Variants in MYO3B observed in about 807,000 individuals in gnomAD.
The protein encoded by MYO3B is myosin IIIB, also known as myosin-IIIb.
MYO3B carries 156 observed loss-of-function variants against 174.6 expected under a neutral mutation model. That is an observed-to-expected ratio of 0.89 (90% confidence interval 0.78 to 1.02). MYO3B has a LOEUF of 1.02. Ranked by LOEUF, MYO3B falls within the 50% of genes least tolerant of loss-of-function variation. The pLI, the probability that MYO3B is intolerant of heterozygous loss-of-function variation, is 0.00. For missense variants in MYO3B, 1,632 were observed against 1,639.4 expected (o/e 1.00, Z 0.08); for synonymous variants, 563 against 569.1 (o/e 0.99, Z 0.15).
At chr2:170,632,398 A>G (rs1386613443) in intron 32 of MYO3B, among the ~76,000 whole-genome samples, 1 of 152,224 alleles carries the variant, frequency 6.6e-6, no homozygotes, top group Non-Finnish European at 1.5e-5. Flanking sequence ...TAACGAAATG[A>G]AGGCAGAAAT....
In MYO3B at chr2:170,499,729, T is replaced by C. The variant is rs764993004; in HGVS notation, c.3210T>C (p.Tyr1070=). 4.3e-6 allele frequency: 7 copies of C among 1,613,954 alleles called. No individual in the cohort carries two copies. In the African/African-American group the frequency reaches 6.7e-5, roughly 15 times the overall value. The change falls in exon 27 of 35, where the codon TAT becomes TAC. Residue 1070 remains tyrosine, a synonymous_variant. Coordinates refer to ENST00000408978, the MANE Select transcript of MYO3B (RefSeq NM_138995.5). ...GCAGAGTGGTTGTGCTGCAGGCATA[T>C]ACCAAGGGGTGGCTTGGAGCCAGGA... The part of the protein sequence containing the change: ...VIGRVVVLQA[Y]TKGWLGARRY...
At chr2:170,540,510 G>A (rs1011016725) in intron 30 of MYO3B, among the ~76,000 whole-genome samples, 1 of 151,856 alleles carries the variant, frequency 6.6e-6, no homozygotes, top group Non-Finnish European at 1.5e-5. Context: ...GAACTCCTGG[G>A]CTCAAGCAGT....
At chr2:170,358,195 T>C (rs2094137020) in intron 8 of MYO3B, among the ~76,000 whole-genome samples, 1 of 151,694 alleles carries the variant, frequency 6.6e-6, no homozygotes, top group Admixed American at 6.6e-5. Flanking sequence ...AACCTAAGTG[T>C]CTATCAACTG....
chr2:170,652,003 C>A, intron 33 of MYO3B, 105 bp from the exon 34 acceptor site: 1 of 1,238,348 alleles, frequency 8.1e-7, no homozygotes, highest in Non-Finnish European at 1.2e-6. Context: ...GCTGTGACTT[C>A]TGATATTATC....
chr2:170,203,918 T>C (rs183649421), intron 3 of MYO3B, among the ~76,000 whole-genome samples: 1 of 152,258 alleles, frequency 6.6e-6, no homozygotes, highest in Non-Finnish European at 1.5e-5. Context: ...ATATACTATA[T>C]GTGTTCAACA....
chr2:170,459,417 C>T (rs1384487690), intron 23 of MYO3B, among the ~76,000 whole-genome samples: 2 of 152,208 alleles, frequency 1.3e-5, no homozygotes, highest in Non-Finnish European at 2.9e-5. Flanking sequence ...CAAAGTTCTC[C>T]AAGTCCCCAC....
At chr2:170,573,328 A>G (rs1250260878) in intron 32 of MYO3B, among the ~76,000 whole-genome samples, 1 of 151,990 alleles carries the variant, frequency 6.6e-6, no homozygotes, top group African/African-American at 2.4e-5. Context: ...AGGATGTAGC[A>G]TGCTTGTGAA....
At chr2:170,537,036 C>T (rs926070213) in intron 30 of MYO3B, among the ~76,000 whole-genome samples, 1 of 151,746 alleles carries the variant, frequency 6.6e-6, no homozygotes, top group African/African-American at 2.4e-5. Flanking sequence ...CCCATCTCTA[C>T]TAAAAATACA....
intron 8 of MYO3B, among the ~76,000 whole-genome samples, chr2:170,357,640 CTTAAG>C (rs1374123535): frequency 6.6e-6 from 1 of 151,786 alleles, no homozygotes; most frequent in Non-Finnish European, 1.5e-5. Flanking sequence ...TTTAAGGTGT[CTTAAG>C]TTATTTCTGG....
chr2:170,570,939 C>T (rs910439023), intron 32 of MYO3B, among the ~76,000 whole-genome samples: 3 of 152,138 alleles, frequency 2.0e-5, no homozygotes, highest in South Asian at 2.1e-4. Context: ...CTCTGTGAAA[C>T]GAATGAGGCT....
intron 32 of MYO3B, among the ~76,000 whole-genome samples, chr2:170,627,045 G>T (rs533959911): frequency 5.5e-4 from 84 of 152,054 alleles, no homozygotes; most frequent in African/African-American, 1.9e-3. Context: ...CTCTTCTCCA[G>T]GAGTATCTAT....
At chr2:170,215,618 G>C (rs533714177) in intron 5 of MYO3B, among the ~76,000 whole-genome samples, 1 of 152,122 alleles carries the variant, frequency 6.6e-6, no homozygotes, top group Non-Finnish European at 1.5e-5. Flanking sequence ...GTGTAAACAT[G>C]TATCAGTTTA....
rs747720851 is a variant in MYO3B, at chr2:170,402,102, CTG to C, written c.2129+412_2129+413del. 2.0e-5 allele frequency among the ~76,000 whole-genome samples: 3 copies of C among 152,206 alleles called. No individual in the cohort carries two copies. The South Asian group carries it at 6.2e-4, about 31-fold the overall frequency. On this transcript the variant is annotated intron_variant, in intron 18 of 34. Coordinates refer to ENST00000408978, the MANE Select transcript of MYO3B (RefSeq NM_138995.5). The stretch of plus-strand genomic sequence containing the variant: ...TAGTCTTGGCTGGGAGCTGGACAAA[CTG>C]GGTTCGCACCCAAACTCTACAGCTT...
chr2:170,212,695 C>T (rs935392999), intron 3 of MYO3B, among the ~76,000 whole-genome samples: 1 of 152,194 alleles, frequency 6.6e-6, no homozygotes, highest in Non-Finnish European at 1.5e-5. Flanking sequence ...CCCTCTACCT[C>T]ACCGATTGAT....
At chr2:170,500,997 C>G (rs1575080793) in intron 27 of MYO3B, among the ~76,000 whole-genome samples, 1 of 152,196 alleles carries the variant, frequency 6.6e-6, no homozygotes, top group Non-Finnish European at 1.5e-5. Context: ...CCCTTATGCT[C>G]TCATAACCCA....
intron 25 of MYO3B, among the ~76,000 whole-genome samples, chr2:170,489,634 G>GGTGTGTGTGTGTGTGTGT (rs369174830): frequency 0.036 from 5,025 of 139,252 alleles, 126 homozygotes; most frequent in Non-Finnish European, 0.044. Context: ...AACCAGTAGG[G>GGTGTGTGTGTGTGTGTGT]GTGTGTGTGT....
chr2:170,564,075 G>A (rs1465455402), intron 32 of MYO3B, among the ~76,000 whole-genome samples: 1 of 152,184 alleles, frequency 6.6e-6, no homozygotes, highest in Non-Finnish European at 1.5e-5. Flanking sequence ...CTGAACTTGA[G>A]AATTTTCAAA....
intron 32 of MYO3B, among the ~76,000 whole-genome samples, chr2:170,552,833 G>T (rs1409551077): frequency 6.6e-6 from 1 of 152,126 alleles, no homozygotes; most frequent in African/African-American, 2.4e-5. Flanking sequence ...ATGGTTTCCT[G>T]GGCTGGGCCC....
intron 7 of MYO3B, among the ~76,000 whole-genome samples, chr2:170,295,228 A>G (rs901931506): frequency 6.6e-6 from 1 of 151,642 alleles, no homozygotes; most frequent in Non-Finnish European, 1.5e-5. Flanking sequence ...TTATCCTGAG[A>G]CTTTCTAATG....
Sources: allele counts gnomAD v4.1 joint callset (sites outside exome capture counted in the v4.1 genomes callset), GRCh38; gene constraint gnomAD v4.1.1; transcripts MANE v1.5; gene names NCBI Gene and HGNC (gene_info 2026-07-23, HGNC 2026-07-21).